INKA2: variants seen among roughly 807,000 people sequenced by gnomAD.
The protein encoded by INKA2 is PAK4-inhibitor INKA2.
In INKA2, 3 loss-of-function variants were observed where a neutral mutation model predicts 9.8. That is an observed-to-expected ratio of 0.31 (90% CI 0.14 to 0.79). The LOEUF is 0.79. Among genes scored for constraint, INKA2 ranks in the 30% least tolerant of loss-of-function variants. The probability of loss-of-function intolerance (pLI) is 0.62; values close to 1 mark genes in which losing one functional copy is unlikely to be tolerated. For missense variants in INKA2, 392 were observed against 384.4 expected (o/e 1.02, Z -0.17); for synonymous variants, 147 against 143.3 (o/e 1.03, Z -0.18).
chr1:111,749,672 T>C (rs1663356586), intron 1 of INKA2, among the ~76,000 whole-genome samples: 1 of 152,142 alleles, frequency 6.6e-6, no homozygotes, highest in South Asian at 2.1e-4. Context: ...TTCTTTTTGC[T>C]CCTTTGTGTC....
upstream of INKA2, among the ~76,000 whole-genome samples, chr1:111,740,232 T>C (rs756332278): frequency 1.4e-4 from 21 of 152,218 alleles, no homozygotes; most frequent in Non-Finnish European, 2.1e-4. Flanking sequence ...TCGGCGTCAG[T>C]CAACCTAGCT....
chr1:111,736,803 C>A (rs148295046), intron 1 of INKA2, among the ~76,000 whole-genome samples: 414 of 152,346 alleles, frequency 2.7e-3, no homozygotes, highest in African/African-American at 9.5e-3. Context: ...ACACTTCTAT[C>A]CCAGCCACAA....
At chr1:111,755,407 T>C (rs1245073173) in intron 1 of INKA2, 1 of 489,392 alleles carries the variant, frequency 2.0e-6, no homozygotes, top group African/African-American at 2.1e-5. Context: ...AAATAAACCC[T>C]TGGGTCCAGC....
In INKA2 at chr1:111,722,965, A is replaced by G. The variant is rs1662680095; in HGVS notation, c.*4003T>C. ...CCTTTAAATCTCACAGCAGCCCCAC[A>G]TTATCACCTTTCACAGATGAGAAAC... is the stretch of plus-strand genomic sequence containing the variant. On this transcript the variant is annotated 3_prime_UTR_variant, in exon 2 of 2. Coordinates refer to ENST00000357260, the MANE Select transcript of INKA2 (RefSeq NM_019099.5). 4 of 659,270 alleles carry G rather than the reference A, an allele frequency of 6.1e-6. No homozygotes were observed. Among genetic ancestry groups the G allele is most frequent in the African/African-American group, 1.8e-5 (1 of 55,264 alleles). The allele number at this position is 659,270 out of a possible 1,614,324, so 40.8% of individuals were successfully genotyped here.
At chr1:111,752,694 C>T (rs926149705) in intron 1 of INKA2, among the ~76,000 whole-genome samples, 1 of 146,578 alleles carries the variant, frequency 6.8e-6, no homozygotes, top group Non-Finnish European at 1.5e-5. Context: ...TTTTCTTTTT[C>T]TTTTTTTTTT....
rs770762076 is a variant in INKA2, at chr1:111,727,387, C to T, written c.475G>A (p.Asp159Asn). The change falls in exon 2 of 2, where the codon GAC becomes AAC. Residue 159 changes from aspartate (D) to asparagine (N), a missense_variant. Transcript: ENST00000357260. The stretch of plus-strand genomic sequence containing the variant: ...CCCACCAGGTCTGCAAAAACGTTGT[C>T]CCCTAACACCAGAGGCTGTCGATTC... ...GRNRQPLVLG[D>N]NVFADLVGNW... is the part of the protein sequence containing the mutation. 1.9e-6 allele frequency: 3 copies of T among 1,613,846 alleles called. No individual in the cohort carries two copies. Among genetic ancestry groups the T allele is most frequent in the East Asian group, 2.2e-5 (1 of 44,890 alleles).
At chr1:111,755,068 A>T (rs1276891789) in intron 1 of INKA2, 1 of 139,070 alleles carries the variant, frequency 7.2e-6, no homozygotes, top group Non-Finnish European at 1.7e-5. Context: ...ATGATGGGGG[A>T]AGGAGCAATA....
chr1:111,748,687 A>G (rs1663326387), intron 1 of INKA2, among the ~76,000 whole-genome samples: 1 of 152,012 alleles, frequency 6.6e-6, no homozygotes, highest in Admixed American at 6.5e-5. Context: ...TGATGCGATG[A>G]TCTTGCTGCT....
chr1:111,733,016 G>A (rs956196647), intron 1 of INKA2, among the ~76,000 whole-genome samples: 6 of 152,122 alleles, frequency 3.9e-5, no homozygotes, highest in Non-Finnish European at 7.3e-5. Context: ...TGATCCCCAC[G>A]GCTAAACTCT....
In INKA2 at chr1:111,725,736, T is replaced by G; in HGVS notation, c.*1232A>C. 5.6e-6 allele frequency: 1 copy of G among 179,820 alleles called. No individual in the cohort carries two copies. Among genetic ancestry groups the G allele is most frequent in the Non-Finnish European group, 1.2e-5 (1 of 86,620 alleles). 11.1% of individuals were successfully genotyped at this position (179,820 alleles called of 1,614,324 possible). A position where few individuals can be genotyped will look rare whatever the true frequency, so the allele number is the denominator to read the frequency against. ...TATGGGGCCCTACGAACTGTTTTTT[T>G]TTATTTTTTTTGAGACAGGGGAGTC... On this transcript the variant is annotated 3_prime_UTR_variant, in exon 2 of 2. Transcript: ENST00000357260.
rs187047312 is a variant in INKA2, at chr1:111,725,936, C to T, written c.*1032G>A. 572 of 385,090 alleles carry T rather than the reference C, an allele frequency of 1.5e-3. No individual in the cohort carries two copies. Among genetic ancestry groups the T allele is most frequent in the African/African-American group, 9.9e-3 (478 of 48,312 alleles). The allele number at this position is 385,090 out of a possible 1,614,324, so 23.9% of individuals were successfully genotyped here. ...TTTTTTAGTAGAGACGGGGTTTCAC[C>T]ATGTTGGCCAGGCTGGTCATGAACT... On this transcript the variant is annotated 3_prime_UTR_variant, in exon 2 of 2. Coordinates refer to ENST00000357260, the MANE Select transcript of INKA2 (RefSeq NM_019099.5).
rs1356583140 is a variant in INKA2, at chr1:111,725,702, G to A, written c.*1266C>T. The A allele has an allele frequency of 1.9e-5, 3 of 159,776 alleles. No individual in the cohort carries two copies. The highest frequency in any genetic ancestry group is 2.7e-5 in the Non-Finnish European group (2 of 73,320). The allele number at this position is 159,776 out of a possible 1,614,324, so 9.9% of individuals were successfully genotyped here. On this transcript the variant is annotated 3_prime_UTR_variant, in exon 2 of 2. Transcript: ENST00000357260. The stretch of plus-strand genomic sequence containing the variant: ...TGGGAGTTAAGTGCAGGAGACAGGG[G>A]TTGTGGGGTATGGGGCCCTACGAAC...
At chr1:111,740,971 TAAAAAAAA>T (rs869221820), upstream of INKA2, among the ~76,000 whole-genome samples, 4 of 38,404 alleles carry the variant, frequency 1.0e-4, 1 homozygote, top group African/African-American at 5.1e-4. Context: ...AAACTCCGTT[TAAAAAAAA>T]AAAAAAAAAA....
chr1:111,755,547 G>T (rs958452761), intron 1 of INKA2: 8 of 798,690 alleles, frequency 1.0e-5, no homozygotes, highest in Non-Finnish European at 1.5e-5. Flanking sequence ...CGAGACGGGG[G>T]CGTGACGCAC....
chr1:111,722,267 C>G lies in INKA2; in HGVS notation c.*4701G>C, dbSNP rs150077455. On this transcript the variant is annotated 3_prime_UTR_variant, in exon 2 of 2. Coordinates refer to ENST00000357260, the MANE Select transcript of INKA2 (RefSeq NM_019099.5). Reference sequence around the variant, plus strand: ...AAGGTGGGCTTCACAGATTCCTCCACCCCATCAGGAGGGAATGGATTTTAG... The same window carrying G: ...AAGGTGGGCTTCACAGATTCCTCCAGCCCATCAGGAGGGAATGGATTTTAG... 6.6e-6 allele frequency: 1 copy of G among 152,338 alleles called. No homozygotes were observed. Among genetic ancestry groups the G allele is most frequent in the African/African-American group, 2.4e-5 (1 of 41,398 alleles). 9.4% of individuals were successfully genotyped at this position (152,338 alleles called of 1,614,324 possible).
Position 111,726,902 on chromosome 1 carries a change from C to A in INKA2, c.*66G>T, listed in dbSNP as rs1662783282. On this transcript the variant is annotated 3_prime_UTR_variant, in exon 2 of 2. Transcript: ENST00000357260. ...GAGAGCCATACCGCCCACCCTCCCT[C>A]CTCCCCAGGGGCCCAGCACTGGGAC... is the stretch of plus-strand genomic sequence containing the variant. 3 of 1,486,224 alleles carry A rather than the reference C, an allele frequency of 2.0e-6. No individual in the cohort carries two copies. In the Admixed American group the frequency reaches 6.1e-5, roughly 30 times the overall value. 92.1% of individuals were successfully genotyped at this position (1,486,224 alleles called of 1,614,324 possible).
At chr1:111,749,363 G>A (rs958644207) in intron 1 of INKA2, among the ~76,000 whole-genome samples, 3 of 152,160 alleles carry the variant, frequency 2.0e-5, no homozygotes, top group Non-Finnish European at 4.4e-5. Context: ...GATGCCACCT[G>A]AGCCAGGGGT....
chr1:111,738,730 G>T (rs565197492), intron 1 of INKA2, among the ~76,000 whole-genome samples: 1 of 152,098 alleles, frequency 6.6e-6, no homozygotes, highest in Non-Finnish European at 1.5e-5. Context: ...GCCCGCGCAG[G>T]GATCAGGACC....
At chr1:111,745,066 T>C (rs1172872177) in intron 1 of INKA2, among the ~76,000 whole-genome samples, 1 of 151,784 alleles carries the variant, frequency 6.6e-6, no homozygotes, top group Non-Finnish European at 1.5e-5. Context: ...AAAATTAGAT[T>C]TGTCCAAATA....
Sources: allele counts gnomAD v4.1 joint callset (sites outside exome capture counted in the v4.1 genomes callset), GRCh38; gene constraint gnomAD v4.1.1; transcripts MANE v1.5; gene names NCBI Gene and HGNC (gene_info 2026-07-23, HGNC 2026-07-21).